CDH13: variants seen among roughly 807,000 people sequenced by gnomAD.
CDH13 encodes the protein cadherin-13.
CDH13 carries 24 observed loss-of-function variants against 63.8 expected under a neutral mutation model. That is an observed-to-expected ratio of 0.38 (90% CI 0.27 to 0.53). CDH13 has a LOEUF of 0.53. CDH13 is among the 20% of genes least tolerant of loss of function. The probability of loss-of-function intolerance (pLI) is 0.85; values close to 1 mark genes in which losing one functional copy is unlikely to be tolerated. For missense variants in CDH13, 1,049 were observed against 903.1 expected (o/e 1.16, Z -2.07); for synonymous variants, 503 against 355.3 (o/e 1.42, Z -4.67).
chr16:83,471,578 T>A (rs2073454205), intron 6 of CDH13, among the ~76,000 whole-genome samples: 1 of 152,204 alleles, frequency 6.6e-6, no homozygotes, highest in Non-Finnish European at 1.5e-5. Context: ...CTGGCCTTTC[T>A]AACCACACTT....
chr16:83,083,180 G>T (rs974118472), intron 3 of CDH13, among the ~76,000 whole-genome samples: 7 of 152,164 alleles, frequency 4.6e-5, no homozygotes, highest in Admixed American at 4.6e-4. Context: ...TCATGGGTTG[G>T]TATAGGATGC....
At chr16:82,735,330 G>A (rs1045055425) in intron 1 of CDH13, among the ~76,000 whole-genome samples, 1 of 152,196 alleles carries the variant, frequency 6.6e-6, no homozygotes, top group African/African-American at 2.4e-5. Flanking sequence ...AGGAATAGAA[G>A]CTGTCACACC....
chr16:82,996,136 C>A (rs540052409), intron 2 of CDH13, among the ~76,000 whole-genome samples: 29 of 151,844 alleles, frequency 1.9e-4, no homozygotes, highest in African/African-American at 6.8e-4. Flanking sequence ...ATAATTCTTC[C>A]ATTTTAGGAA....
rs563764139 is a variant in CDH13, at chr16:82,890,180, C to T, written c.157+31707C>T. Reference sequence around the variant, plus strand: ...TTCCTTCCTGGAATTTTGATGTAGGCTTGTAAGGAGGGACCATACTTAACA... The same window carrying T: ...TTCCTTCCTGGAATTTTGATGTAGGTTTGTAAGGAGGGACCATACTTAACA... On this transcript the variant is annotated intron_variant, in intron 2 of 13. Transcript: ENST00000567109. Among the ~76,000 whole-genome samples, 3 of 152,302 alleles carry T rather than the reference C, an allele frequency of 2.0e-5. No homozygotes were observed. In the East Asian group the frequency reaches 5.8e-4, roughly 29 times the overall value.
intron 7 of CDH13, among the ~76,000 whole-genome samples, chr16:83,500,293 TC>T (rs767967955): frequency 0.018 from 34 of 1,880 alleles, 5 homozygotes; most frequent in East Asian, 0.5. Context: ...TTCTTCTTCT[TC>T]TCCTTCTCCT....
intron 1 of CDH13, among the ~76,000 whole-genome samples, chr16:82,659,864 G>C (rs1482247263): frequency 2.0e-5 from 3 of 152,162 alleles, no homozygotes; most frequent in Non-Finnish European, 4.4e-5. Flanking sequence ...CTACCCACTA[G>C]AGGCCATTGG....
Position 83,780,195 on chromosome 16 carries a change from A to T in CDH13, c.1909A>T (p.Ile637Phe). 1 of 1,586,216 alleles carries T rather than the reference A, an allele frequency of 6.3e-7. No homozygotes were observed. Among genetic ancestry groups the T allele is most frequent in the Non-Finnish European group, 8.6e-7 (1 of 1,162,106 alleles). ...TGATAAAGTCTGGAAGATCTCCAAG[A>T]TCAACAGTAAGTCTGGCTAAAGCAT... Reference protein sequence around the residue: ...VPDKVWKISKINNTHALVSLL... With the variant: ...VPDKVWKISKFNNTHALVSLL... Residue 637 changes from isoleucine (I) to phenylalanine (F), a missense_variant, in exon 12 of 14, where the codon ATC becomes TTC. By Grantham distance (21) the Ile-to-Phe change is conservative (BLOSUM62 0). Transcript: ENST00000567109.
intron 4 of CDH13, among the ~76,000 whole-genome samples, chr16:83,132,914 C>T (rs989730956): frequency 3.9e-5 from 6 of 152,168 alleles, no homozygotes; most frequent in African/African-American, 1.4e-4. Context: ...ATAAGCCTTT[C>T]CTATTTCCAA....
At chr16:83,189,646 G>T (rs905085615) in intron 4 of CDH13, among the ~76,000 whole-genome samples, 3 of 152,178 alleles carry the variant, frequency 2.0e-5, no homozygotes, top group Non-Finnish European at 4.4e-5. Context: ...CCTTTGCGTG[G>T]TAGCCTGATC....
chr16:82,993,985 C>A (rs1911932340), intron 2 of CDH13, among the ~76,000 whole-genome samples: 1 of 152,164 alleles, frequency 6.6e-6, no homozygotes, highest in South Asian at 2.1e-4. Context: ...ATTCTTTCCC[C>A]ATCATTATAT....
At position 83,761,629 on chromosome 16, in the gene CDH13, A is replaced by G. The variant is rs186327784; in HGVS notation, c.1681+13379A>G. 8.5e-5 allele frequency among the ~76,000 whole-genome samples: 13 copies of G among 152,338 alleles called. No individual in the cohort carries two copies. The East Asian group carries it at 2.1e-3, about 25-fold the overall frequency. The stretch of plus-strand genomic sequence containing the variant: ...CCCTTTGATTGGCTCAAACTCCGAG[A>G]CTGGCACGAGAGTAGGTGACAGTCT... On this transcript the variant is annotated intron_variant, in intron 11 of 13. Transcript: ENST00000567109.
At chr16:83,320,618 T>C (rs2090202399) in intron 5 of CDH13, among the ~76,000 whole-genome samples, 1 of 152,178 alleles carries the variant, frequency 6.6e-6, no homozygotes, top group South Asian at 2.1e-4. Context: ...AAGAACAGAT[T>C]TTTCCCCCAT....
intron 7 of CDH13, among the ~76,000 whole-genome samples, chr16:83,494,326 C>G (rs1302286503): frequency 6.6e-6 from 1 of 151,922 alleles, no homozygotes; most frequent in Non-Finnish European, 1.5e-5. Context: ...CTTTATCAGC[C>G]AAAAAGTATG....
chr16:83,530,636 C>A (rs1186565757), intron 7 of CDH13, among the ~76,000 whole-genome samples: 2 of 152,196 alleles, frequency 1.3e-5, no homozygotes, highest in African/African-American at 2.4e-5. Context: ...TGTTTTCAAT[C>A]TGCCCATCAT....
chr16:82,809,887 A>AT (rs2037355743), intron 1 of CDH13, among the ~76,000 whole-genome samples: 1 of 152,110 alleles, frequency 6.6e-6, no homozygotes, highest in Non-Finnish European at 1.5e-5. Context: ...CTCAAGATAC[A>AT]TATAAGGTGC....
intron 10 of CDH13, among the ~76,000 whole-genome samples, chr16:83,696,594 A>G (rs1415431895): frequency 6.6e-6 from 1 of 152,178 alleles, no homozygotes; most frequent in African/African-American, 2.4e-5. Context: ...TAAAGTTATA[A>G]AGATGCAACA....
chr16:83,116,229 A>C (rs2035286416), intron 3 of CDH13, among the ~76,000 whole-genome samples: 1 of 152,214 alleles, frequency 6.6e-6, no homozygotes, highest in South Asian at 2.1e-4. Flanking sequence ...ATGCTTTGGC[A>C]GGTGTCAGAG....
intron 2 of CDH13, among the ~76,000 whole-genome samples, chr16:82,991,876 A>G (rs1025589005): frequency 6.6e-6 from 1 of 152,200 alleles, no homozygotes; most frequent in Non-Finnish European, 1.5e-5. Context: ...ACCGCTTCAC[A>G]TCATTATCTA....
At chr16:82,641,754 C>G (rs978201704) in intron 1 of CDH13, among the ~76,000 whole-genome samples, 2 of 152,176 alleles carry the variant, frequency 1.3e-5, no homozygotes, top group Non-Finnish European at 2.9e-5. Flanking sequence ...TGACTGAGTG[C>G]TCAACACTTT....
Sources: allele counts gnomAD v4.1 joint callset (sites outside exome capture counted in the v4.1 genomes callset), GRCh38; gene constraint gnomAD v4.1.1; transcripts MANE v1.5; gene names NCBI Gene and HGNC (gene_info 2026-07-23, HGNC 2026-07-21).